ELF3: variants seen among roughly 807,000 people sequenced by gnomAD.
ELF3 encodes ETS-related transcription factor Elf-3.
ELF3 carries 18 observed loss-of-function variants against 43.9 expected under a neutral mutation model. The observed-to-expected ratio is 0.41, with a 90% CI of 0.28 to 0.61. ELF3 has a LOEUF of 0.61. Ranked by LOEUF, ELF3 falls within the 20% of genes least tolerant of loss-of-function variation. The pLI is 0.30. For synonymous variants in ELF3, 181 were observed against 190.2 expected, an observed-to-expected ratio of 0.95 and a Z score of 0.40; for missense variants, 373 against 487.7, an observed-to-expected ratio of 0.76 and a Z score of 2.21.
At chr1:202,011,599 T>C (rs920186777) in intron 2 of ELF3, 1 of 462,878 alleles carries the variant, frequency 2.2e-6, no homozygotes, top group Non-Finnish European at 3.8e-6. Context: ...GGGCTGGGAG[T>C]GGTGGCTCAC....
chr1:202,012,776 G>T lies in ELF3; in HGVS notation c.598+17G>T. Reference sequence around the variant, plus strand: ...CCACCGCAGGTGAGAGCTCTCTCTGGGCCACAACCTCCCTTCCCCGAAGTG... The same window carrying T: ...CCACCGCAGGTGAGAGCTCTCTCTGTGCCACAACCTCCCTTCCCCGAAGTG... On this transcript the variant is annotated intron_variant, in intron 5 of 8. Transcript: ENST00000367284. The surrounding 1 kb of genome is among the most constrained non-coding windows in gnomAD (Gnocchi z 4.2). 1 of 1,544,286 alleles carries T rather than the reference G, an allele frequency of 6.5e-7. No homozygotes were observed. Among genetic ancestry groups the T allele is most frequent in the Non-Finnish European group, 8.7e-7 (1 of 1,146,470 alleles).
In ELF3 at chr1:202,013,672, G is replaced by A. The variant is rs1684257121; in HGVS notation, c.806-157G>A. ...CTTAGGTGGGCTGAGGAGAAAAGCA[G>A]TCACTGCAGTACCCGCACAGAGGGC... On this transcript the variant is annotated intron_variant, in intron 7 of 8. Transcript: ENST00000367284. The surrounding 1 kb of genome is among the most constrained non-coding windows in gnomAD (Gnocchi z 5.7). 1.3e-5 allele frequency: 10 copies of A among 799,462 alleles called. No individual in the cohort carries two copies. Among genetic ancestry groups the A allele is most frequent in the Non-Finnish European group, 1.8e-5 (9 of 507,242 alleles). The allele number at this position is 799,462 out of a possible 1,614,324, so 49.5% of individuals were successfully genotyped here. A position where few individuals can be genotyped will look rare whatever the true frequency, so the allele number is the denominator to read the frequency against.
At chr1:202,011,728 T>G (rs1684200768) in intron 2 of ELF3, 7 of 555,218 alleles carry the variant, frequency 1.3e-5, no homozygotes, top group Admixed American at 3.2e-5. Context: ...AAAAAAAAAT[T>G]TATCCCAGCG....
Position 202,012,601 on chromosome 1 carries a change from C to A in ELF3, c.479-39C>A, listed in dbSNP as rs756766163. ...GCAGCATCACCTGTCCTGGTCTGGTCCCCTGAGCCCTCTCTGAGTTCTCAC... is the reference window on the plus strand; with the variant it reads ...GCAGCATCACCTGTCCTGGTCTGGTACCCTGAGCCCTCTCTGAGTTCTCAC... On this transcript the variant is annotated intron_variant, in intron 4 of 8. Coordinates refer to ENST00000367284, the MANE Select transcript of ELF3 (RefSeq NM_004433.5). This position sits in a 1 kb window ranked among gnomAD's most constrained non-coding sequence, Gnocchi z 4.2. 3 of 1,555,610 alleles carry A rather than the reference C, an allele frequency of 1.9e-6. No homozygotes were observed. The highest frequency in any genetic ancestry group is 3.8e-5 in the Admixed American group (2 of 51,990).
At position 202,013,832 on chromosome 1, in the gene ELF3, C is replaced by G; in HGVS notation, c.809C>G (p.Pro270Arg). 1 of 1,610,632 alleles carries G rather than the reference C, an allele frequency of 6.2e-7. No homozygotes were observed. Among genetic ancestry groups the G allele is most frequent in the Non-Finnish European group, 8.5e-7 (1 of 1,177,434 alleles). Residue 270 changes from proline (P) to arginine (R), a missense_variant, in exon 8 of 9, where the codon CCC (proline) becomes CGC (arginine). Transcript: ENST00000367284. This position sits in a 1 kb window ranked among gnomAD's most constrained non-coding sequence, Gnocchi z 5.7. ...CLEGKKSKHA[P>R]RGTHLWEFIR... ...CTGATGGAGGCTGGCCTTGCAGCGC[C>G]CAGAGGCACCCACCTGTGGGAGTTC...
chr1:202,012,688 C>G lies in ELF3; in HGVS notation c.527C>G (p.Ala176Gly). The G allele has an allele frequency of 6.2e-7, 1 of 1,608,862 alleles. No individual in the cohort carries two copies. The highest frequency in any genetic ancestry group is 8.5e-7 in the Non-Finnish European group (1 of 1,177,672). Reference protein sequence around the residue: ...AQELLDDGQQASPYHPGSCGA... With the variant: ...AQELLDDGQQGSPYHPGSCGA... ...GAGCTGCTGGACGACGGTCAGCAAG[C>G]CAGCCCCTACCACCCCGGCAGCTGT... Residue 176 changes from alanine to glycine, a missense_variant, in exon 5 of 9, where the codon GCC (alanine) becomes GGC (glycine). Physicochemically the swap from Ala to Gly is moderately conservative, Grantham distance 60 (BLOSUM62 0). Around this residue, in one of 3 missense-constraint regions of ELF3, gnomAD observed 311 missense variants for 351.2 expected, o/e 0.89. Coordinates refer to ENST00000367284, the MANE Select transcript of ELF3 (RefSeq NM_004433.5). The surrounding 1 kb of genome is among the most constrained non-coding windows in gnomAD (Gnocchi z 4.2).
rs907574437 is a variant in ELF3 at position 202,015,833 on chromosome 1, A to G, written c.*510A>G. 1.2e-5 allele frequency: 2 copies of G among 161,972 alleles called. No individual in the cohort carries two copies. The highest frequency in any genetic ancestry group is 2.4e-5 in the African/African-American group (1 of 41,726). The allele number at this position is 161,972 out of a possible 1,614,324, so 10.0% of individuals were successfully genotyped here. On this transcript the variant is annotated 3_prime_UTR_variant, in exon 9 of 9. Transcript: ENST00000367284. Reference sequence around the variant, plus strand: ...ATATAAATATGTCAGATGTACATAGAGATCTATTTTTTCTAAAACATTCCC... The same window carrying G: ...ATATAAATATGTCAGATGTACATAGGGATCTATTTTTTCTAAAACATTCCC...
rs1366301904 is a variant in ELF3 at position 202,013,312 on chromosome 1, G to A, written c.805+14G>A. On this transcript the variant is annotated intron_variant, in intron 7 of 8. Coordinates refer to ENST00000367284, the MANE Select transcript of ELF3 (RefSeq NM_004433.5). This position sits in a 1 kb window ranked among gnomAD's most constrained non-coding sequence, Gnocchi z 5.7. ...AGAGCAAGCACGGTGAGCTCCGGGG[G>A]CACGTGGGTCCTCCCTGCGCCGGGC... 5 of 1,610,776 alleles carry A rather than the reference G, an allele frequency of 3.1e-6. No homozygotes were observed. The African/African-American group carries it at 5.3e-5, about 17-fold the overall frequency.
In ELF3 at chr1:202,013,987, A is replaced by T; in HGVS notation, c.964A>T (p.Ser322Cys). Residue 322 changes from serine to cysteine, a missense_variant, in exon 8 of 9, where the codon AGC becomes TGC. Physicochemically the swap from Ser to Cys is moderately radical, Grantham distance 112. Around this residue, in one of 3 missense-constraint regions of ELF3, gnomAD observed 61 missense variants for 115.9 expected, o/e 0.53. Transcript: ENST00000367284. The surrounding 1 kb of genome is among the most constrained non-coding windows in gnomAD (Gnocchi z 5.7). ...ACTATGGGGCCAAAAGAAAAAGAAC[A>T]GCAACATGACCTACGAGAAGCTGAG... is the stretch of plus-strand genomic sequence containing the variant. ...AQLWGQKKKN[S>C]NMTYEKLSRA... The T allele has an allele frequency of 6.2e-7, 1 of 1,613,730 alleles. No individual in the cohort carries two copies. The highest frequency in any genetic ancestry group is 8.5e-7 in the Non-Finnish European group (1 of 1,179,812).
At position 202,013,690 on chromosome 1, in the gene ELF3, C is replaced by A. The variant is rs1684257676; in HGVS notation, c.806-139C>A. 5 of 917,606 alleles carry A rather than the reference C, an allele frequency of 5.4e-6. No individual in the cohort carries two copies. The highest frequency in any genetic ancestry group is 8.2e-6 in the Non-Finnish European group (5 of 611,838). 56.8% of individuals were successfully genotyped at this position (917,606 alleles called of 1,614,324 possible). A position where few individuals can be genotyped will look rare whatever the true frequency, so the allele number is the denominator to read the frequency against. On this transcript the variant is annotated intron_variant, in intron 7 of 8. Transcript: ENST00000367284. The surrounding 1 kb of genome is among the most constrained non-coding windows in gnomAD (Gnocchi z 5.7). ...AAAAGCAGTCACTGCAGTACCCGCA[C>A]AGAGGGCACTGCGGGGTCTCTGGAG...
At position 202,013,677 on chromosome 1, in the gene ELF3, T is replaced by A; in HGVS notation, c.806-152T>A. ...GTGGGCTGAGGAGAAAAGCAGTCAC[T>A]GCAGTACCCGCACAGAGGGCACTGC... On this transcript the variant is annotated intron_variant, in intron 7 of 8. Coordinates refer to ENST00000367284, the MANE Select transcript of ELF3 (RefSeq NM_004433.5). This position sits in a 1 kb window ranked among gnomAD's most constrained non-coding sequence, Gnocchi z 5.7. The A allele has an allele frequency of 1.2e-6, 1 of 822,666 alleles. No homozygotes were observed. Among genetic ancestry groups the A allele is most frequent in the Non-Finnish European group, 1.9e-6 (1 of 527,178 alleles). The allele number at this position is 822,666 out of a possible 1,614,324, so 51.0% of individuals were successfully genotyped here.
rs1176402362 is a variant in ELF3, at chr1:202,015,384, G to A, written c.*61G>A. 1 of 1,552,426 alleles carries A rather than the reference G, an allele frequency of 6.4e-7. No homozygotes were observed. The highest frequency in any genetic ancestry group is 8.8e-7 in the Non-Finnish European group (1 of 1,132,354). ...CACTCGAGGCCTGCAAACCTTCCTG[G>A]GAGGACAGGCAGGCCAGATGGCCCC... On this transcript the variant is annotated 3_prime_UTR_variant, in exon 9 of 9. Transcript: ENST00000367284.
At chr1:202,014,305 G>C (rs943455481) in intron 8 of ELF3, among the ~76,000 whole-genome samples, 1 of 152,224 alleles carries the variant, frequency 6.6e-6, no homozygotes, top group Admixed American at 6.5e-5. Context: ...GTGGGAAAGG[G>C]GGCAGGAGCC....
In ELF3 at chr1:202,016,571, AATGAGGGAAGG is replaced by A. The variant is rs1684313513; in HGVS notation, c.*1250_*1260del. ...TGGAGATGAGTACTTGCTGAGAAAG[AATGAGGGAAGG>A]AGTTGGCATTTGTTGAAAGTGTAGT... On this transcript the variant is annotated 3_prime_UTR_variant, in exon 9 of 9. Transcript: ENST00000367284. 6.6e-6 allele frequency: 1 copy of A among 151,618 alleles called. No individual in the cohort carries two copies. Among genetic ancestry groups the A allele is most frequent in the African/African-American group, 2.4e-5 (1 of 41,320 alleles). 9.4% of individuals were successfully genotyped at this position (151,618 alleles called of 1,614,324 possible).
Position 202,012,429 on chromosome 1 carries a change from G to T in ELF3, c.471G>T (p.Gly157=), listed in dbSNP as rs746365008. 1.4e-5 allele frequency: 22 copies of T among 1,613,866 alleles called. No homozygotes were observed. The South Asian group carries it at 2.1e-4, about 15-fold the overall frequency. The change falls in exon 4 of 9, where the codon GGG becomes GGT. Residue 157 remains glycine, a synonymous_variant. Transcript: ENST00000367284. The surrounding 1 kb of genome is among the most constrained non-coding windows in gnomAD (Gnocchi z 4.2). ...GMAFQEALDP[G]PFDQGSPFAQ... ...CCTTCCAGGAGGCCCTAGACCCAGGGCCCTTTGGTGAGAACCCGTTTTCTC... is the reference window on the plus strand; with the variant it reads ...CCTTCCAGGAGGCCCTAGACCCAGGTCCCTTTGGTGAGAACCCGTTTTCTC...
chr1:202,013,421 C>T lies in ELF3; in HGVS notation c.805+123C>T. ...GGCCTCCGCATGGCCTTTGGTAAGG[C>T]TGTGCACAAGCTGGGGGCTCTATGG... On this transcript the variant is annotated intron_variant, in intron 7 of 8. Transcript: ENST00000367284. The surrounding 1 kb of genome is among the most constrained non-coding windows in gnomAD (Gnocchi z 5.7). The T allele has an allele frequency of 1.0e-6, 1 of 987,726 alleles. No individual in the cohort carries two copies. The allele number at this position is 987,726 out of a possible 1,614,324, so 61.2% of individuals were successfully genotyped here.
In ELF3 at chr1:202,012,294, C is replaced by T. The variant is rs1684219599; in HGVS notation, c.386-50C>T. On this transcript the variant is annotated intron_variant, in intron 3 of 8. Transcript: ENST00000367284. This position sits in a 1 kb window ranked among gnomAD's most constrained non-coding sequence, Gnocchi z 4.2. ...GGCCAGCTGCACAGCCAGAGAGAGC[C>T]CTTGAGGGAGGGATTAGGGGAGTGT... 9 of 1,610,096 alleles carry T rather than the reference C, an allele frequency of 5.6e-6. No homozygotes were observed. Among genetic ancestry groups the T allele is most frequent in the Non-Finnish European group, 7.6e-6 (9 of 1,177,528 alleles).
chr1:202,011,832 G>T, intron 2 of ELF3, 125 bp from the exon 3 acceptor site: 1 of 907,654 alleles, frequency 1.1e-6, no homozygotes, highest in East Asian at 2.5e-5. Context: ...AGCCGAGATT[G>T]TGCCATTGCA....
In ELF3 at chr1:202,010,990, A is replaced by G; in HGVS notation, c.-8-139A>G. On this transcript the variant is annotated intron_variant, in intron 1 of 8. Transcript: ENST00000367284. This position sits in a 1 kb window ranked among gnomAD's most constrained non-coding sequence, Gnocchi z 4.3. Reference sequence around the variant, plus strand: ...AGATCTTGGAGCCCTTCTTGAAGAGACGGTGTCCGCAGAGTTGCTGATCTT... The same window carrying G: ...AGATCTTGGAGCCCTTCTTGAAGAGGCGGTGTCCGCAGAGTTGCTGATCTT... 1 of 857,198 alleles carries G rather than the reference A, an allele frequency of 1.2e-6. No homozygotes were observed. Among genetic ancestry groups the G allele is most frequent in the Non-Finnish European group, 1.8e-6 (1 of 560,604 alleles). 53.1% of individuals were successfully genotyped at this position (857,198 alleles called of 1,614,324 possible).
Sources: allele counts gnomAD v4.1 joint callset (sites outside exome capture counted in the v4.1 genomes callset), GRCh38; gene constraint gnomAD v4.1.1; regional missense constraint gnomAD v4.1.1; non-coding constraint Gnocchi (gnomAD v3.1); transcripts MANE v1.5; gene names NCBI Gene and HGNC (gene_info 2026-07-23, HGNC 2026-07-21).